TCAIM: variants seen among roughly 807,000 people sequenced by gnomAD.
TCAIM encodes the protein T-cell activation inhibitor, mitochondrial.
A neutral mutation model predicts 58.6 loss-of-function variants in TCAIM; 36 were observed. The observed-to-expected ratio is 0.61, with a 90% CI of 0.47 to 0.81. The LOEUF is 0.81. Ranked by LOEUF, TCAIM falls within the 30% of genes least tolerant of loss-of-function variation. The probability of loss-of-function intolerance (pLI) is 0.00; values close to 1 mark genes in which losing one functional copy is unlikely to be tolerated. For missense variants in TCAIM, 466 were observed against 579.6 expected (o/e 0.80, Z 2.01); for synonymous variants, 172 against 193.6 (o/e 0.89, Z 0.93).
intron 10 of TCAIM, among the ~76,000 whole-genome samples, chr3:44,403,581 C>T (rs1465017721): frequency 6.6e-6 from 1 of 152,174 alleles, no homozygotes; most frequent in African/African-American, 2.4e-5. Flanking sequence ...AACCTATCGG[C>T]TGCTTTTTCT....
chr3:44,407,414 G>A, intron 10 of TCAIM, 28 bp from the exon 11 acceptor site: 1 of 1,344,656 alleles, frequency 7.4e-7, no homozygotes, highest in Non-Finnish European at 1.0e-6. Context: ...TTGTTCTTAT[G>A]ACAATATTTT....
chr3:44,395,676 CTCTAG>C (rs1466454924), intron 6 of TCAIM, among the ~76,000 whole-genome samples: 1 of 152,244 alleles, frequency 6.6e-6, no homozygotes, highest in African/African-American at 2.4e-5. Context: ...AAATCACTTT[CTCTAG>C]AATGAGATAA....
At chr3:44,400,652 C>A in intron 9 of TCAIM, 65 bp downstream of exon 9, 1 of 1,350,908 alleles carries the variant, frequency 7.4e-7, no homozygotes, top group South Asian at 1.2e-5. Flanking sequence ...TGTGTAAATG[C>A]ATTAAATTGT....
At chr3:44,355,293 G>T (rs1701170815) in intron 2 of TCAIM, among the ~76,000 whole-genome samples, 3 of 152,182 alleles carry the variant, frequency 2.0e-5, no homozygotes, top group Non-Finnish European at 4.4e-5. Flanking sequence ...AAATTATGTA[G>T]GACAGAAAGG....
chr3:44,364,064 G>A (rs75461626), intron 4 of TCAIM, among the ~76,000 whole-genome samples: 173 of 151,132 alleles, frequency 1.1e-3, no homozygotes, highest in African/African-American at 3.9e-3. Context: ...GAGTAGCTGG[G>A]ACTACAGGCA....
intron 5 of TCAIM, among the ~76,000 whole-genome samples, chr3:44,380,456 A>T (rs1370239996): frequency 6.6e-6 from 1 of 152,160 alleles, no homozygotes; most frequent in Non-Finnish European, 1.5e-5. Context: ...ACAAAAACAC[A>T]ATGTACCAAA....
intron 1 of TCAIM, among the ~76,000 whole-genome samples, chr3:44,345,638 G>A (rs1358016568): frequency 1.3e-5 from 2 of 152,176 alleles, no homozygotes; most frequent in African/African-American, 4.8e-5. Flanking sequence ...CTAGGAGAGA[G>A]TGAGTGAGAT....
chr3:44,372,008 G>GAGAA (rs1701478944), intron 5 of TCAIM, among the ~76,000 whole-genome samples: 1 of 130,430 alleles, frequency 7.7e-6, no homozygotes, highest in African/African-American at 3.1e-5. Context: ...GAGAGAAAGA[G>GAGAA]AGAAGGAAGG....
chr3:44,372,077 G>GGAAC (rs1232901051), intron 5 of TCAIM, among the ~76,000 whole-genome samples: 6,461 of 146,130 alleles, frequency 0.044, 511 homozygotes, highest in East Asian at 0.072. Context: ...AAGGAAGGAA[G>GGAAC]ATACAGTATT....
chr3:44,366,463 G>GT (rs11310204), intron 4 of TCAIM, among the ~76,000 whole-genome samples: 2,747 of 83,020 alleles, frequency 0.033, 185 homozygotes, highest in African/African-American at 0.093. Context: ...AATTTTTGTT[G>GT]TTTTTTTTTT....
At chr3:44,367,429 ATTGT>A (rs754070124) in intron 4 of TCAIM, 23 bp from the exon 5 acceptor site, 1 of 1,585,462 alleles carries the variant, frequency 6.3e-7, no homozygotes, top group Non-Finnish European at 8.6e-7. Flanking sequence ...ATCTGTATTA[ATTGT>A]TTGGGGGAAT....
chr3:44,392,351 C>T (rs531415917), intron 5 of TCAIM, among the ~76,000 whole-genome samples: 3 of 151,980 alleles, frequency 2.0e-5, no homozygotes, highest in East Asian at 1.9e-4. Context: ...CTTTTAGGTT[C>T]GGGTTACATG....
In TCAIM at chr3:44,374,936, A is replaced by G. The variant is rs535322919; in HGVS notation, c.572+7228A>G. Among the ~76,000 whole-genome samples, 8 of 152,128 alleles carry G rather than the reference A, an allele frequency of 5.3e-5. No homozygotes were observed. The East Asian group carries it at 5.8e-4, about 11-fold the overall frequency. Reference sequence around the variant, plus strand: ...ATTTGGATCATGGCTTTCTTTTTTCATCTCTTAAATCCATGGAAAACTGAG... The same window carrying G: ...ATTTGGATCATGGCTTTCTTTTTTCGTCTCTTAAATCCATGGAAAACTGAG... On this transcript the variant is annotated intron_variant, in intron 5 of 10. Transcript: ENST00000342649.
intron 5 of TCAIM, among the ~76,000 whole-genome samples, chr3:44,378,496 A>T (rs560752802): frequency 6.6e-6 from 1 of 151,896 alleles, no homozygotes; most frequent in East Asian, 2.0e-4. Flanking sequence ...CAACAGGCGT[A>T]TGAAAAAATG....
At chr3:44,365,997 G>T (rs1701367982) in intron 4 of TCAIM, among the ~76,000 whole-genome samples, 1 of 152,124 alleles carries the variant, frequency 6.6e-6, no homozygotes, top group Admixed American at 6.5e-5. Flanking sequence ...ATTAAGAATA[G>T]TTTTTTAAAA....
chr3:44,400,972 A>C, intron 9 of TCAIM: 3 of 547,820 alleles, frequency 5.5e-6, no homozygotes, highest in Non-Finnish European at 9.5e-6. Context: ...GCAGCAGGTC[A>C]CCCCTGGCAT....
intron 6 of TCAIM, among the ~76,000 whole-genome samples, chr3:44,394,761 G>A (rs902466881): frequency 6.7e-6 from 1 of 150,318 alleles, no homozygotes; most frequent in Non-Finnish European, 1.5e-5. Context: ...AGGCCTGGTG[G>A]CACGTGCCTG....
chr3:44,400,832 C>A, intron 9 of TCAIM: 1 of 530,054 alleles, frequency 1.9e-6, no homozygotes, highest in Non-Finnish European at 3.3e-6. Context: ...AAAGTCAATC[C>A]AATGGAAAAC....
chr3:44,401,403 T>C (rs1702020321), intron 10 of TCAIM, 69 bp downstream of exon 10: 1 of 1,580,304 alleles, frequency 6.3e-7, no homozygotes, highest in African/African-American at 1.4e-5. Flanking sequence ...TATTTGGAAC[T>C]CATAAATATG....
Sources: gnomAD v4.1 joint callset for allele counts (sites outside exome capture counted in the v4.1 genomes callset) on GRCh38, gnomAD v4.1.1 for gene constraint, MANE v1.5 for transcripts, NCBI Gene and HGNC (gene_info 2026-07-23, HGNC 2026-07-21) for gene names.